VTI1A: variants seen among roughly 807,000 people sequenced by gnomAD.
VTI1A encodes the protein vesicle transport through interaction with t-SNAREs homolog 1A.
A neutral mutation model predicts 34.9 loss-of-function variants in VTI1A; 22 were observed. That is an observed-to-expected ratio of 0.63 (90% confidence interval 0.45 to 0.90). The LOEUF is 0.90. Ranked by LOEUF, VTI1A falls within the 40% of genes least tolerant of loss-of-function variation. The probability of loss-of-function intolerance (pLI) is 0.00; values close to 1 mark genes in which losing one functional copy is unlikely to be tolerated. For missense variants in VTI1A, 268 were observed against 275.6 expected (o/e 0.97, Z 0.20); for synonymous variants, 87 against 97.3 (o/e 0.89, Z 0.62).
chr10:112,667,307 G>T (rs562562931), intron 5 of VTI1A, among the ~76,000 whole-genome samples: 1 of 152,130 alleles, frequency 6.6e-6, no homozygotes, highest in Non-Finnish European at 1.5e-5. Context: ...AAGATTATAA[G>T]AGAGGCATCC....
At chr10:112,660,228 G>A (rs1590039139) in intron 5 of VTI1A, among the ~76,000 whole-genome samples, 1 of 152,188 alleles carries the variant, frequency 6.6e-6, no homozygotes. Flanking sequence ...AGCCTCCTGA[G>A]TAGCTGGAAC....
chr10:112,815,941 T>C lies in VTI1A; in HGVS notation c.*558T>C, dbSNP rs1853509353. 4.3e-6 allele frequency: 1 copy of C among 230,806 alleles called. No homozygotes were observed. Among genetic ancestry groups the C allele is most frequent in the Non-Finnish European group, 8.6e-6 (1 of 116,702 alleles). 14.3% of individuals were successfully genotyped at this position (230,806 alleles called of 1,614,324 possible). Reference sequence around the variant, plus strand: ...AAAGGTCGGTATTTAATGTCGGTTGTACAGGAAATTGACTTAGCACTTTCC... The same window carrying C: ...AAAGGTCGGTATTTAATGTCGGTTGCACAGGAAATTGACTTAGCACTTTCC... On this transcript the variant is annotated 3_prime_UTR_variant, in exon 8 of 8. Coordinates refer to ENST00000393077, the MANE Select transcript of VTI1A (RefSeq NM_145206.4).
At chr10:112,830,849 A>ATATATATTTTTTTTTTTTT in the VTI1A span, among the ~76,000 whole-genome samples, 20 of 33,496 alleles carry the variant, frequency 6.0e-4, no homozygotes, top group East Asian at 5.9e-3. Flanking sequence ...ATATATATAT[A>ATATATATTTTTTTTTTTTT]TTTTTTTTTT....
At chr10:112,752,992 GT>G (rs914218812) in intron 7 of VTI1A, among the ~76,000 whole-genome samples, 5 of 151,298 alleles carry the variant, frequency 3.3e-5, no homozygotes, top group African/African-American at 7.3e-5. Flanking sequence ...CTGAAAAACG[GT>G]TTTTTTTCCC....
intron 7 of VTI1A, among the ~76,000 whole-genome samples, chr10:112,775,030 T>C (rs1851921736): frequency 6.6e-6 from 1 of 152,234 alleles, no homozygotes; most frequent in Non-Finnish European, 1.5e-5. Context: ...CTCAGTGCCT[T>C]GTCCCTAATA....
At chr10:112,747,406 A>G (rs1340027579) in intron 7 of VTI1A, among the ~76,000 whole-genome samples, 2 of 152,194 alleles carry the variant, frequency 1.3e-5, no homozygotes, top group African/African-American at 4.8e-5. Flanking sequence ...GGTATATCCT[A>G]TAGTGCCTAG....
At chr10:112,831,960 A>G in the VTI1A span, 1 of 152,166 alleles carries the variant, frequency 6.6e-6, no homozygotes. Flanking sequence ...GCCGCTGTAC[A>G]CTCAGCAGCC....
At chr10:112,781,509 G>C (rs1852127060) in intron 7 of VTI1A, among the ~76,000 whole-genome samples, 1 of 152,076 alleles carries the variant, frequency 6.6e-6, no homozygotes, top group Admixed American at 6.5e-5. Flanking sequence ...CTACGGGGCT[G>C]TCTTGGCTCC....
chr10:112,499,210 T>G (rs1332551065), intron 3 of VTI1A, among the ~76,000 whole-genome samples: 1 of 152,198 alleles, frequency 6.6e-6, no homozygotes, highest in Non-Finnish European at 1.5e-5. Context: ...TGAAACTTTT[T>G]TGCTAAAGTC....
intron 7 of VTI1A, among the ~76,000 whole-genome samples, chr10:112,749,829 T>A (rs1851036593): frequency 6.6e-6 from 1 of 152,056 alleles, no homozygotes; most frequent in South Asian, 2.1e-4. Flanking sequence ...AGCACTGGAG[T>A]AGCAGAAATT....
chr10:112,512,679 T>G (rs1161579495), intron 3 of VTI1A, among the ~76,000 whole-genome samples: 1 of 152,076 alleles, frequency 6.6e-6, no homozygotes, highest in Non-Finnish European at 1.5e-5. Context: ...TAGTTTGGAG[T>G]CTTGTGTTTA....
the VTI1A span, among the ~76,000 whole-genome samples, chr10:112,834,770 C>T: frequency 6.6e-6 from 1 of 152,222 alleles, no homozygotes; most frequent in Non-Finnish European, 1.5e-5. Flanking sequence ...CGGGCGTTTG[C>T]TGAGTGCCAG....
At chr10:112,537,929 A>C (rs925034062) in intron 4 of VTI1A, among the ~76,000 whole-genome samples, 14 of 152,168 alleles carry the variant, frequency 9.2e-5, no homozygotes, top group African/African-American at 3.4e-4. Context: ...TCATATATCC[A>C]TCTCTGCTGA....
Position 112,522,946 on chromosome 10 carries a change from C to T in VTI1A, c.265-4141C>T, listed in dbSNP as rs549196534. Among the ~76,000 whole-genome samples the T allele has an allele frequency of 9.9e-5, 15 of 152,162 alleles. No homozygotes were observed. The Middle Eastern group carries it at 0.01, about 104-fold the overall frequency. ...ATGTGCACGCCATGGAAATTAAATT[C>T]TCATATACGCTTTAGTAATAAACCA... is the stretch of plus-strand genomic sequence containing the variant. On this transcript the variant is annotated intron_variant, in intron 3 of 7. Transcript: ENST00000393077.
intron 7 of VTI1A, among the ~76,000 whole-genome samples, chr10:112,689,617 G>T (rs1257249309): frequency 6.6e-6 from 1 of 152,170 alleles, no homozygotes; most frequent in East Asian, 1.9e-4. Flanking sequence ...GAGGATGATG[G>T]ATGACTTTTT....
At chr10:112,841,213 TC>T in the VTI1A span, among the ~76,000 whole-genome samples, 1 of 152,078 alleles carries the variant, frequency 6.6e-6, no homozygotes, top group East Asian at 1.9e-4. Context: ...TGTGACCCTC[TC>T]CCCAACTAGG....
At chr10:112,604,933 C>G (rs1845017776) in intron 5 of VTI1A, among the ~76,000 whole-genome samples, 1 of 152,092 alleles carries the variant, frequency 6.6e-6, no homozygotes, top group South Asian at 2.1e-4. Flanking sequence ...ATATATAATT[C>G]TGTACATCTA....
chr10:112,500,736 T>C (rs1164242278), intron 3 of VTI1A, among the ~76,000 whole-genome samples: 1 of 152,226 alleles, frequency 6.6e-6, no homozygotes, highest in African/African-American at 2.4e-5. Flanking sequence ...CCTCCTATGA[T>C]GGACCTTTCC....
chr10:112,709,691 T>TTTTTTTTTTTTTTTTTTG (rs1849335037), intron 7 of VTI1A, among the ~76,000 whole-genome samples: 1 of 139,298 alleles, frequency 7.2e-6, no homozygotes, highest in Non-Finnish European at 1.5e-5. Flanking sequence ...GCTTTTTTTT[T>TTTTTTTTTTTTTTTTTTG]TTTTTTTTTT....
Sources: gnomAD v4.1 joint callset for allele counts (sites outside exome capture counted in the v4.1 genomes callset) on GRCh38, gnomAD v4.1.1 for gene constraint, MANE v1.5 for transcripts, NCBI Gene and HGNC (gene_info 2026-07-23, HGNC 2026-07-21) for gene names.